The following AKT3 variants were observed in gnomAD, a reference collection of about 807,000 sequenced individuals.
AKT3 encodes the protein RAC-gamma serine/threonine-protein kinase.
A neutral mutation model predicts 65.3 loss-of-function variants in AKT3; 15 were observed. That is an observed-to-expected ratio of 0.23 (90% CI 0.15 to 0.35). AKT3 has a LOEUF of 0.35. AKT3 is among the 10% of genes least tolerant of loss of function. The probability of loss-of-function intolerance (pLI) is 1.00; values close to 1 mark genes in which losing one functional copy is unlikely to be tolerated. For synonymous variants in AKT3, 206 were observed against 183.8 expected, an observed-to-expected ratio of 1.12 and a Z score of -0.98; for missense variants, 243 against 576.5, an observed-to-expected ratio of 0.42 and a Z score of 5.92.
At chr1:243,837,786 C>G (rs906640600) in intron 2 of AKT3, among the ~76,000 whole-genome samples, 4 of 152,126 alleles carry the variant, frequency 2.6e-5, no homozygotes, top group African/African-American at 7.2e-5. Flanking sequence ...TAATGTGATA[C>G]TTAAGTGGTA....
At chr1:243,664,043 T>C (rs1368360409) in intron 4 of AKT3, among the ~76,000 whole-genome samples, 3 of 152,100 alleles carry the variant, frequency 2.0e-5, no homozygotes, top group Non-Finnish European at 4.4e-5. Context: ...CTTAGCAACT[T>C]AGTGCTCCAG....
intron 8 of AKT3, among the ~76,000 whole-genome samples, chr1:243,593,403 T>C (rs1460121248): frequency 6.6e-6 from 1 of 152,120 alleles, no homozygotes; most frequent in East Asian, 1.9e-4. Flanking sequence ...ATGTACAAAC[T>C]AAAAAGAAAG....
intron 2 of AKT3, among the ~76,000 whole-genome samples, chr1:243,806,391 G>C (rs1349412610): frequency 6.6e-6 from 1 of 152,118 alleles, no homozygotes; most frequent in East Asian, 1.9e-4. Context: ...TCCCAGTTCA[G>C]AATGTCAGAA....
At chr1:243,512,584 A>C (rs934949523) in intron 12 of AKT3, among the ~76,000 whole-genome samples, 158 bp from the exon 13 acceptor site, 1 of 152,220 alleles carries the variant, frequency 6.6e-6, no homozygotes, top group Non-Finnish European at 1.5e-5. Context: ...CTTCCCAGTC[A>C]ACAGTCTAAA....
intron 8 of AKT3, among the ~76,000 whole-genome samples, chr1:243,590,390 T>C (rs1345630973): frequency 1.3e-5 from 2 of 151,904 alleles, no homozygotes; most frequent in African/African-American, 4.8e-5. Context: ...TATACCTCAA[T>C]AAAGCCAAGA....
Position 243,543,045 on chromosome 1 carries a change from TA to T in AKT3, c.1251+2464del, listed in dbSNP as rs375178931. Among the ~76,000 whole-genome samples, 624 of 150,726 alleles carry T rather than the reference TA, an allele frequency of 4.1e-3. 7 individuals are homozygous for T. Among genetic ancestry groups the T allele is most frequent in the African/African-American group, 0.013 (545 of 41,236 alleles). ...TTTGCTCAAATTAAGTGGCACCCAT[TA>T]AAAAAAAATAATTATAACAACTTGA... On this transcript the variant is annotated intron_variant, in intron 12 of 13. Transcript: ENST00000673466.
chr1:243,730,909 C>G (rs540002063), intron 2 of AKT3, among the ~76,000 whole-genome samples: 1 of 152,348 alleles, frequency 6.6e-6, no homozygotes, highest in East Asian at 1.9e-4. Context: ...GAGCTGCCTG[C>G]CCCACCACAG....
At chr1:243,762,448 T>C (rs2148248517) in intron 2 of AKT3, among the ~76,000 whole-genome samples, 2 of 152,190 alleles carry the variant, frequency 1.3e-5, no homozygotes. Flanking sequence ...TGATCCACCC[T>C]CTACAGATGG....
At chr1:243,523,475 G>GA (rs1458933591) in intron 12 of AKT3, among the ~76,000 whole-genome samples, 1 of 151,942 alleles carries the variant, frequency 6.6e-6, no homozygotes, top group Non-Finnish European at 1.5e-5. Context: ...TCCCTAAAAA[G>GA]AAAAAAGAAG....
At chr1:243,497,724 C>G (rs1020689159), downstream of AKT3, among the ~76,000 whole-genome samples, 1 of 152,162 alleles carries the variant, frequency 6.6e-6, no homozygotes, top group African/African-American at 2.4e-5. Flanking sequence ...ATTGTGTGTA[C>G]GTGGGTGTGT....
At chr1:243,813,472 CA>C (rs139032282) in intron 2 of AKT3, among the ~76,000 whole-genome samples, 3,374 of 148,736 alleles carry the variant, frequency 0.023, 116 homozygotes, top group African/African-American at 0.079. Flanking sequence ...ACCTGTTCCC[CA>C]AACGCCTATG....
At chr1:243,843,986 A>C (rs1178229670) in intron 1 of AKT3, among the ~76,000 whole-genome samples, 1 of 152,172 alleles carries the variant, frequency 6.6e-6, no homozygotes, top group Non-Finnish European at 1.5e-5. Context: ...CAACGTACCA[A>C]GAACTCATCA....
In AKT3 at chr1:243,552,064, C is replaced by T. The variant is rs557601476; in HGVS notation, c.1163+665G>A. On this transcript the variant is annotated intron_variant, in intron 11 of 13. Coordinates refer to ENST00000673466, the MANE Select transcript of AKT3 (RefSeq NM_005465.7). ...CAGCACTTTGGGAGGCCGAAGCAGG[C>T]GGATCACTTGAGGTCGGGAGTTCAA... is the stretch of plus-strand genomic sequence containing the variant. Among the ~76,000 whole-genome samples the T allele has an allele frequency of 3.3e-5, 5 of 151,986 alleles. No homozygotes were observed. In the East Asian group the frequency reaches 7.7e-4, roughly 24 times the overall value.
At chr1:243,531,701 T>C (rs1671543155) in intron 12 of AKT3, among the ~76,000 whole-genome samples, 3 of 152,210 alleles carry the variant, frequency 2.0e-5, no homozygotes, top group South Asian at 4.1e-4. Flanking sequence ...ATCTGTATTA[T>C]CATTTTGAGT....
chr1:243,578,685 TAAAAA>T (rs1391788227), intron 8 of AKT3, among the ~76,000 whole-genome samples: 1 of 152,122 alleles, frequency 6.6e-6, no homozygotes, highest in Non-Finnish European at 1.5e-5. Context: ...CCCTGGAACT[TAAAAA>T]TAAAATAAAA....
chr1:243,570,679 T>C (rs986255451), intron 9 of AKT3, among the ~76,000 whole-genome samples: 1 of 152,238 alleles, frequency 6.6e-6, no homozygotes, highest in Non-Finnish European at 1.5e-5. Flanking sequence ...AAATATGTCA[T>C]TGTATTATAA....
intron 2 of AKT3, among the ~76,000 whole-genome samples, chr1:243,702,109 CAAAAAA>C (rs148524776): frequency 8.0e-6 from 1 of 124,582 alleles, no homozygotes; most frequent in Non-Finnish European, 1.7e-5. Context: ...AGAATTTATG[CAAAAAA>C]AAAAAAAAAA....
At chr1:243,600,773 A>G (rs1412250938) in intron 8 of AKT3, among the ~76,000 whole-genome samples, 1 of 152,194 alleles carries the variant, frequency 6.6e-6, no homozygotes, top group Admixed American at 6.5e-5. Context: ...CTTTGACTTT[A>G]GAAAAAAATC....
intron 2 of AKT3, among the ~76,000 whole-genome samples, chr1:243,819,688 CTG>C (rs1693739874): frequency 6.6e-6 from 1 of 152,166 alleles, no homozygotes; most frequent in Admixed American, 6.5e-5. Flanking sequence ...TGCCTCCTGA[CTG>C]AGAGAGACCC....
Sources: gnomAD v4.1 joint callset for allele counts (sites outside exome capture counted in the v4.1 genomes callset) on GRCh38, gnomAD v4.1.1 for gene constraint, MANE v1.5 for transcripts, NCBI Gene and HGNC (gene_info 2026-07-23, HGNC 2026-07-21) for gene names.